Variants in BMPR1B observed in about 807,000 individuals in gnomAD.
BMPR1B encodes the protein bone morphogenetic protein receptor type 1B, also known as bone morphogenetic protein receptor type-1B.
BMPR1B carries 12 observed loss-of-function variants against 59.1 expected under a neutral mutation model. The observed-to-expected ratio is 0.20, with a 90% CI of 0.13 to 0.33. The LOEUF is 0.33. BMPR1B is among the 10% of genes least tolerant of loss of function. The pLI is 1.00. For synonymous variants in BMPR1B, 237 were observed against 207.3 expected, an observed-to-expected ratio of 1.14 and a Z score of -1.23; for missense variants, 550 against 610.9, an observed-to-expected ratio of 0.90 and a Z score of 1.05.
intron 10 of BMPR1B, among the ~76,000 whole-genome samples, chr4:95,142,960 G>C (rs892513223): frequency 4.6e-5 from 7 of 152,034 alleles, no homozygotes; most frequent in African/African-American, 1.7e-4. Context: ...CTTACTCCTT[G>C]CCACCGAAAC....
intron 2 of BMPR1B, among the ~76,000 whole-genome samples, chr4:94,986,779 C>T (rs1293104822): frequency 4.6e-5 from 7 of 152,014 alleles, no homozygotes; most frequent in South Asian, 4.1e-4. Flanking sequence ...CAGTGGCTCA[C>T]GCCTGTAACC....
intron 1 of BMPR1B, among the ~76,000 whole-genome samples, chr4:94,782,915 A>T (rs1263244333): frequency 6.6e-6 from 1 of 151,878 alleles, no homozygotes; most frequent in East Asian, 1.9e-4. Context: ...ATATATTGTA[A>T]CACTGGAATC....
intron 3 of BMPR1B, among the ~76,000 whole-genome samples, chr4:95,041,192 G>A (rs992210868): frequency 2.0e-5 from 3 of 151,968 alleles, no homozygotes; most frequent in East Asian, 1.9e-4. Flanking sequence ...GAATACAGTC[G>A]TGCACCACCA....
At chr4:94,910,345 A>C (rs1728226047) in intron 2 of BMPR1B, among the ~76,000 whole-genome samples, 1 of 152,024 alleles carries the variant, frequency 6.6e-6, no homozygotes, top group East Asian at 1.9e-4. Context: ...TCCTCTCAGA[A>C]TTAGAGGAAA....
At position 95,077,134 on chromosome 4, in the gene BMPR1B, C is replaced by T. The variant is rs145297033; in HGVS notation, c.-17-27274C>T. Among the ~76,000 whole-genome samples, 827 of 152,118 alleles carry T rather than the reference C, an allele frequency of 5.4e-3. 10 individuals are homozygous for T. The highest frequency in any genetic ancestry group is 0.019 in the African/African-American group (798 of 41,520). Reference sequence around the variant, plus strand: ...GGTAGGAGAAAGGAAAGACTCCAGCCAATAGCTTGTATTTTGTAGTAATGG... The same window carrying T: ...GGTAGGAGAAAGGAAAGACTCCAGCTAATAGCTTGTATTTTGTAGTAATGG... On this transcript the variant is annotated intron_variant, in intron 3 of 12. Transcript: ENST00000515059.
intron 1 of BMPR1B, among the ~76,000 whole-genome samples, chr4:94,805,635 G>C (rs187474610): frequency 9.9e-5 from 15 of 152,180 alleles, no homozygotes; most frequent in African/African-American, 3.1e-4. Context: ...GTTCAAATGG[G>C]CTTTAAATAG....
At chr4:94,839,945 G>C (rs995512324) in intron 1 of BMPR1B, among the ~76,000 whole-genome samples, 2 of 151,656 alleles carry the variant, frequency 1.3e-5, no homozygotes, top group Non-Finnish European at 2.9e-5. Context: ...AGCTCTTTTA[G>C]GGCAGGCCTG....
At chr4:94,976,162 A>G (rs1731025559) in intron 2 of BMPR1B, among the ~76,000 whole-genome samples, 1 of 152,140 alleles carries the variant, frequency 6.6e-6, no homozygotes, top group African/African-American at 2.4e-5. Flanking sequence ...GTCCCTTCAC[A>G]TGGGCTAATT....
intron 1 of BMPR1B, among the ~76,000 whole-genome samples, chr4:94,787,243 G>A (rs920122606): frequency 6.6e-6 from 1 of 152,160 alleles, no homozygotes; most frequent in Non-Finnish European, 1.5e-5. Flanking sequence ...CCTGCAGGCA[G>A]AGATCCTGCC....
Position 95,058,362 on chromosome 4 carries a change from G to GT in BMPR1B, c.-17-46040dup, listed in dbSNP as rs1053346086. Among the ~76,000 whole-genome samples the GT allele has an allele frequency of 4.6e-5, 7 of 152,234 alleles. 1 individual carries two copies. The highest frequency in any genetic ancestry group is 2.4e-5 in the African/African-American group (1 of 41,546). On this transcript the variant is annotated intron_variant, in intron 3 of 12. Transcript: ENST00000515059. ...TGGTGAAAATTGTCTTTGGTTCGTA[G>GT]TTTTTTACTGCCGTACAGTGTTCAG...
chr4:94,879,358 T>A (rs1040598937), intron 2 of BMPR1B, among the ~76,000 whole-genome samples: 4 of 152,172 alleles, frequency 2.6e-5, no homozygotes, highest in Admixed American at 6.5e-5. Context: ...TTTGATTCTT[T>A]GGGAGGTCAA....
chr4:94,877,386 A>G (rs1275351530), intron 2 of BMPR1B, among the ~76,000 whole-genome samples: 1 of 152,176 alleles, frequency 6.6e-6, no homozygotes, highest in Non-Finnish European at 1.5e-5. Context: ...CCCAGAGGAA[A>G]GGGGCCTTTT....
rs1270106641 is a variant in BMPR1B, at chr4:95,155,540, G to A, written c.*867G>A. ...AGAGGATTGACCTGTGCATGCTTTT[G>A]ATCTCTCATTCAAAGGATCAATATT... On this transcript the variant is annotated 3_prime_UTR_variant, in exon 13 of 13. Transcript: ENST00000515059. 1.1e-5 allele frequency: 1 copy of A among 92,290 alleles called. No individual in the cohort carries two copies. Among genetic ancestry groups the A allele is most frequent in the Non-Finnish European group, 2.0e-5 (1 of 50,230 alleles). The allele number at this position is 92,290 out of a possible 1,614,324, so 5.7% of individuals were successfully genotyped here.
At chr4:94,999,263 A>G (rs1361535137) in intron 3 of BMPR1B, among the ~76,000 whole-genome samples, 2 of 152,194 alleles carry the variant, frequency 1.3e-5, no homozygotes, top group Admixed American at 6.5e-5. Context: ...AAACTTTATC[A>G]TACTTATTTT....
chr4:94,818,806 G>T (rs1430878670), intron 1 of BMPR1B, among the ~76,000 whole-genome samples: 3 of 152,058 alleles, frequency 2.0e-5, no homozygotes, highest in African/African-American at 7.2e-5. Flanking sequence ...TGAATTAGTG[G>T]ATGTATAGAA....
chr4:94,765,418 A>C (rs1209042262), intron 1 of BMPR1B, among the ~76,000 whole-genome samples: 1 of 152,214 alleles, frequency 6.6e-6, no homozygotes, highest in African/African-American at 2.4e-5. Flanking sequence ...TAAAGATCAC[A>C]GAGTTCCTCA....
At chr4:94,935,818 T>G (rs1729271688) in intron 2 of BMPR1B, among the ~76,000 whole-genome samples, 1 of 152,170 alleles carries the variant, frequency 6.6e-6, no homozygotes, top group South Asian at 2.1e-4. Flanking sequence ...TCAGAAAATG[T>G]TAGCGGGGAG....
intron 1 of BMPR1B, among the ~76,000 whole-genome samples, chr4:94,839,506 A>G (rs1724963358): frequency 6.7e-6 from 1 of 148,718 alleles, no homozygotes. Flanking sequence ...TCCCTTTACC[A>G]TTATGTAATG....
At chr4:94,896,657 C>CT (rs1322820323) in intron 2 of BMPR1B, among the ~76,000 whole-genome samples, 5 of 151,920 alleles carry the variant, frequency 3.3e-5, no homozygotes, top group South Asian at 2.1e-4. Context: ...GTAATTATAA[C>CT]TTTTTTTGCA....
Sources: allele counts gnomAD v4.1 joint callset (sites outside exome capture counted in the v4.1 genomes callset), GRCh38; gene constraint gnomAD v4.1.1; transcripts MANE v1.5; gene names NCBI Gene and HGNC (gene_info 2026-07-23, HGNC 2026-07-21).